PDIK1L: variants seen among roughly 807,000 people sequenced by gnomAD.
PDIK1L encodes the protein PDLIM1 interacting kinase 1 like, also known as serine/threonine-protein kinase PDIK1L.
In PDIK1L, 9 loss-of-function variants were observed where a neutral mutation model predicts 27.1. The observed-to-expected ratio is 0.33, with a 90% CI of 0.20 to 0.58. The LOEUF (loss-of-function observed/expected upper bound fraction) is 0.58. Among genes scored for constraint, PDIK1L ranks in the 20% least tolerant of loss-of-function variants. The pLI is 0.86. For synonymous variants in PDIK1L, 130 were observed against 141.7 expected, an observed-to-expected ratio of 0.92 and a Z score of 0.59; for missense variants, 216 against 413.2, an observed-to-expected ratio of 0.52 and a Z score of 4.14.
rs1557598633 is a variant in PDIK1L at position 26,122,798 on chromosome 1, AATG to A, written c.*224_*226del. 1 of 397,166 alleles carries A rather than the reference AATG, an allele frequency of 2.5e-6. No individual in the cohort carries two copies. Among genetic ancestry groups the A allele is most frequent in the Non-Finnish European group, 4.3e-6 (1 of 235,114 alleles). The allele number at this position is 397,166 out of a possible 1,614,324, so 24.6% of individuals were successfully genotyped here. A position where few individuals can be genotyped will look rare whatever the true frequency, so the allele number is the denominator to read the frequency against. On this transcript the variant is annotated 3_prime_UTR_variant, in exon 3 of 3. Coordinates refer to ENST00000374269, the MANE Select transcript of PDIK1L (RefSeq NM_152835.5). The surrounding 1 kb of genome is among the most constrained non-coding windows in gnomAD (Gnocchi z 5.4). ...CCAATGTGGGTGTAAATTTTTAAAAAATGATTATTGATAGAAGTTTGGCAGGAA... is the reference window on the plus strand; with the variant it reads ...CCAATGTGGGTGTAAATTTTTAAAAAATTATTGATAGAAGTTTGGCAGGAA...
At chr1:26,120,220 C>T (rs1389265546) in intron 2 of PDIK1L, among the ~76,000 whole-genome samples, 2 of 152,172 alleles carry the variant, frequency 1.3e-5, no homozygotes, top group Non-Finnish European at 1.5e-5. Context: ...ATGTGGCTGT[C>T]AAGCCCGAAA....
chr1:26,115,304 C>A (rs534831011), intron 2 of PDIK1L, among the ~76,000 whole-genome samples: 3 of 152,318 alleles, frequency 2.0e-5, no homozygotes, highest in Non-Finnish European at 4.4e-5. Context: ...CAATTGGGAG[C>A]TGGAGCTGAG....
rs2087847391 is a variant in PDIK1L, at chr1:26,114,411, G to A, written c.103G>A (p.Ala35Thr). Residue 35 changes from alanine to threonine, a missense_variant, in exon 2 of 3, where the codon GCA (alanine) becomes ACA (threonine). This residue lies in a region of PDIK1L where 47 missense variants were observed against 47.2 expected (regional missense o/e 1.00). Transcript: ENST00000374269. The surrounding 1 kb of genome is among the most constrained non-coding windows in gnomAD (Gnocchi z 4.8). Reference sequence around the variant, plus strand: ...CATCAGAAAGACCTCTGCACGGGTGGCAGTGAAGAAAATTCGATGTCACGC... The same window carrying A: ...CATCAGAAAGACCTCTGCACGGGTGACAGTGAAGAAAATTCGATGTCACGC... ...AVIRKTSARV[A>T]VKKIRCHAPE... 1 of 1,614,046 alleles carries A rather than the reference G, an allele frequency of 6.2e-7. No homozygotes were observed. Among genetic ancestry groups the A allele is most frequent in the Non-Finnish European group, 8.5e-7 (1 of 1,179,954 alleles).
chr1:26,117,790 G>A (rs1454436424), intron 2 of PDIK1L, among the ~76,000 whole-genome samples: 1 of 151,928 alleles, frequency 6.6e-6, no homozygotes, highest in Admixed American at 6.6e-5. Flanking sequence ...AAACATGGTG[G>A]CTCACACCTG....
At chr1:26,119,033 G>A (rs2087928603) in intron 2 of PDIK1L, among the ~76,000 whole-genome samples, 1 of 152,216 alleles carries the variant, frequency 6.6e-6, no homozygotes, top group South Asian at 2.1e-4. Flanking sequence ...TGGCCAGTCT[G>A]TGTACTTGTG....
chr1:26,115,799 CAA>C (rs57299354), intron 2 of PDIK1L, among the ~76,000 whole-genome samples: 6 of 119,990 alleles, frequency 5.0e-5, no homozygotes, highest in Admixed American at 8.6e-5. Context: ...GAGACTCCGT[CAA>C]AAAAAAAAAA....
chr1:26,116,202 CAA>C (rs56019165), intron 2 of PDIK1L, among the ~76,000 whole-genome samples: 22 of 128,588 alleles, frequency 1.7e-4, no homozygotes, highest in African/African-American at 3.1e-4. Context: ...GACTCCATCT[CAA>C]AAAAAAAAAA....
intron 2 of PDIK1L, among the ~76,000 whole-genome samples, chr1:26,118,326 T>C (rs2087916439): frequency 1.3e-5 from 2 of 152,068 alleles, no homozygotes; most frequent in South Asian, 4.1e-4. Context: ...GTCTCAAAAA[T>C]AAACAAATAA....
chr1:26,121,900 T>C lies in PDIK1L; in HGVS notation c.349T>C (p.Phe117Leu). ...FDPRSAYYLWFVMDFCDGGDM... is the reference protein window; with the variant it reads ...FDPRSAYYLWLVMDFCDGGDM... ...TCCCAGAAGCGCCTATTATTTGTGG[T>C]TTGTGATGGATTTTTGTGACGGAGG... Residue 117 changes from phenylalanine to leucine, a missense_variant, in exon 3 of 3, where the codon TTT becomes CTT. Transcript: ENST00000374269. The C allele has an allele frequency of 6.2e-7, 1 of 1,613,972 alleles. No individual in the cohort carries two copies. The highest frequency in any genetic ancestry group is 8.5e-7 in the Non-Finnish European group (1 of 1,179,956).
intron 2 of PDIK1L, among the ~76,000 whole-genome samples, chr1:26,119,658 A>G (rs2087944214): frequency 6.6e-6 from 1 of 152,140 alleles, no homozygotes; most frequent in South Asian, 2.1e-4. Flanking sequence ...CAATACATCA[A>G]GACCATCCTG....
At chr1:26,117,015 CTTTTTTTTTTTTTT>C (rs60381058) in intron 2 of PDIK1L, among the ~76,000 whole-genome samples, 3 of 103,550 alleles carry the variant, frequency 2.9e-5, no homozygotes, top group Non-Finnish European at 5.5e-5. Flanking sequence ...TGCGCCCAAC[CTTTTTTTTTTTTTT>C]TTTTTTTTTT....
Position 26,114,167 on chromosome 1 carries a change from G to A in PDIK1L, c.-17-125G>A, listed in dbSNP as rs2087843578. 4 of 913,448 alleles carry A rather than the reference G, an allele frequency of 4.4e-6. No homozygotes were observed. Among genetic ancestry groups the A allele is most frequent in the African/African-American group, 1.7e-5 (1 of 59,272 alleles). 56.6% of individuals were successfully genotyped at this position (913,448 alleles called of 1,614,324 possible). A position where few individuals can be genotyped will look rare whatever the true frequency, so the allele number is the denominator to read the frequency against. On this transcript the variant is annotated intron_variant, in intron 1 of 2. Transcript: ENST00000374269. The surrounding 1 kb of genome is among the most constrained non-coding windows in gnomAD (Gnocchi z 4.8). ...TATTCTTAAAATTAGATTTCCCCTA[G>A]GTATAGCAAATATCCTTCAAGCACT... is the stretch of plus-strand genomic sequence containing the variant.
chr1:26,117,376 C>G (rs1279753102), intron 2 of PDIK1L, among the ~76,000 whole-genome samples: 7 of 152,288 alleles, frequency 4.6e-5, no homozygotes, highest in African/African-American at 1.7e-4. Context: ...AATAACTAGC[C>G]TCTGTGCATT....
chr1:26,114,530 C>G lies in PDIK1L; in HGVS notation c.222C>G (p.Ile74Met). The change falls in exon 2 of 3, where the codon ATC becomes ATG. Residue 74 changes from isoleucine (I) to methionine (M), a missense_variant. By Grantham distance (10) the Ile-to-Met change is conservative. Transcript: ENST00000374269. The surrounding 1 kb of genome is among the most constrained non-coding windows in gnomAD (Gnocchi z 4.8). Reference sequence around the variant, plus strand: ...ATGTGATTCACTTGGAGGAATGCATCCTACAAAAGGATGGGATGGTGCAAA... The same window carrying G: ...ATGTGATTCACTTGGAGGAATGCATGCTACAAAAGGATGGGATGGTGCAAA... ...HPNVIHLEEC[I>M]LQKDGMVQKM... 2.5e-6 allele frequency: 4 copies of G among 1,614,114 alleles called. No individual in the cohort carries two copies. Among genetic ancestry groups the G allele is most frequent in the Non-Finnish European group, 3.4e-6 (4 of 1,180,000 alleles).
chr1:26,114,143 ATTC>A lies in PDIK1L; in HGVS notation c.-17-146_-17-144del, dbSNP rs2087843199. 6.8e-6 allele frequency: 5 copies of A among 735,854 alleles called. No homozygotes were observed. Among genetic ancestry groups the A allele is most frequent in the Non-Finnish European group, 1.1e-5 (5 of 460,536 alleles). The allele number at this position is 735,854 out of a possible 1,614,324, so 45.6% of individuals were successfully genotyped here. A position where few individuals can be genotyped will look rare whatever the true frequency, so the allele number is the denominator to read the frequency against. On this transcript the variant is annotated intron_variant, in intron 1 of 2. Transcript: ENST00000374269. This position sits in a 1 kb window ranked among gnomAD's most constrained non-coding sequence, Gnocchi z 4.8. The stretch of plus-strand genomic sequence containing the variant: ...ACTACCTGTTAGCTTTATTGTTACT[ATTC>A]TTAAAATTAGATTTCCCCTAGGTAT...
chr1:26,118,246 A>G (rs372310603), intron 2 of PDIK1L, among the ~76,000 whole-genome samples: 2 of 152,150 alleles, frequency 1.3e-5, no homozygotes, highest in Admixed American at 6.6e-5. Flanking sequence ...GCTAGAGTCC[A>G]GGAGTTCAAG....
At position 26,114,680 on chromosome 1, in the gene PDIK1L, C is replaced by G; in HGVS notation, c.285+87C>G. 1 of 1,412,194 alleles carries G rather than the reference C, an allele frequency of 7.1e-7. No homozygotes were observed. Among genetic ancestry groups the G allele is most frequent in the Non-Finnish European group, 9.7e-7 (1 of 1,031,280 alleles). 87.5% of individuals were successfully genotyped at this position (1,412,194 alleles called of 1,614,324 possible). On this transcript the variant is annotated intron_variant, in intron 2 of 2. Transcript: ENST00000374269. The surrounding 1 kb of genome is among the most constrained non-coding windows in gnomAD (Gnocchi z 4.8). ...GAATGAAAGGGTCAGACGAACGTTT[C>G]CCTTTAAATGCAGGTGTTTGTAGTT...
intron 1 of PDIK1L, 121 bp downstream of exon 1, chr1:26,112,036 C>T (rs1057341829): frequency 1.3e-5 from 2 of 152,384 alleles, no homozygotes; most frequent in Admixed American, 6.5e-5. Flanking sequence ...GGGGAAGGCC[C>T]TGCGCTCCTC....
chr1:26,119,097 A>T (rs758105087), intron 2 of PDIK1L, among the ~76,000 whole-genome samples: 6 of 152,206 alleles, frequency 3.9e-5, no homozygotes, highest in Non-Finnish European at 8.8e-5. Context: ...AACCTACATA[A>T]TCCCGTGGTT....
Sources: allele counts gnomAD v4.1 joint callset (sites outside exome capture counted in the v4.1 genomes callset), GRCh38; gene constraint gnomAD v4.1.1; regional missense constraint gnomAD v4.1.1; non-coding constraint Gnocchi (gnomAD v3.1); transcripts MANE v1.5; gene names NCBI Gene and HGNC (gene_info 2026-07-23, HGNC 2026-07-21).